The following KANK1 variants were observed in gnomAD, a reference collection of about 807,000 sequenced individuals.
The protein encoded by KANK1 is KN motif and ankyrin repeat domain-containing protein 1.
Under a neutral mutation model 106.2 loss-of-function variants are expected in KANK1, and 109 were observed. The ratio of observed to expected loss-of-function variants is 1.03; its 90% CI spans 0.88 to 1.20. The LOEUF is 1.20. KANK1 is among the 50% of genes most tolerant of loss of function. The pLI is 0.00. For synonymous variants in KANK1, 873 were observed against 652.2 expected (o/e 1.34, Z -5.16); for missense variants, 2,399 against 1,710.7 (o/e 1.40, Z -7.10).
intron 1 of KANK1, among the ~76,000 whole-genome samples, chr9:590,593 T>C (rs1190340417): frequency 2.0e-5 from 3 of 151,950 alleles, no homozygotes; most frequent in Non-Finnish European, 4.4e-5. Context: ...GTTAAAAATA[T>C]GTAACTTTAC....
At chr9:595,573 T>C (rs1826011346) in intron 1 of KANK1, among the ~76,000 whole-genome samples, 1 of 151,930 alleles carries the variant, frequency 6.6e-6, no homozygotes, top group Non-Finnish European at 1.5e-5. Flanking sequence ...TTGCCCAGGC[T>C]AGAGAGCAGT....
At chr9:529,504 C>T (rs1381496420) in intron 1 of KANK1, among the ~76,000 whole-genome samples, 1 of 2,310 alleles carries the variant, frequency 4.3e-4, no homozygotes, top group African/African-American at 4.3e-3. Context: ...CGGCCTCATA[C>T]ATATTTTTAA....
intron 1 of KANK1, among the ~76,000 whole-genome samples, chr9:610,106 T>A (rs942921766): frequency 7.2e-5 from 11 of 152,226 alleles, no homozygotes; most frequent in African/African-American, 2.7e-4. Context: ...AATTCTTTGC[T>A]ACTTTAAGTA....
chr9:725,577 C>T (rs61426364), intron 3 of KANK1, among the ~76,000 whole-genome samples: 11,321 of 151,614 alleles, frequency 0.075, 989 homozygotes, highest in African/African-American at 0.2. Flanking sequence ...TTTACTATAG[C>T]GTCATTGTTT....
intron 1 of KANK1, among the ~76,000 whole-genome samples, chr9:665,516 G>T (rs4742207): frequency 0.22 from 34,081 of 152,064 alleles, 4,800 homozygotes; most frequent in African/African-American, 0.38. Flanking sequence ...ATTCTGTTCA[G>T]TCGGTGTTTG....
chr9:706,722 G>A (rs1234466575), intron 2 of KANK1: 2 of 938,760 alleles, frequency 2.1e-6, no homozygotes, highest in African/African-American at 3.6e-5. Context: ...CGTGTCATAA[G>A]CCCAGGGCTG....
chr9:663,312 C>T (rs1049994814), intron 1 of KANK1, among the ~76,000 whole-genome samples: 6 of 152,188 alleles, frequency 3.9e-5, no homozygotes, highest in African/African-American at 1.4e-4. Context: ...AAACTACCAG[C>T]AGTAGGAATG....
At chr9:557,961 C>T (rs748145436) in intron 1 of KANK1, among the ~76,000 whole-genome samples, 4 of 151,834 alleles carry the variant, frequency 2.6e-5, no homozygotes, top group Admixed American at 6.6e-5. Context: ...GCTATGATCG[C>T]GCCACTGCAT....
rs764885015 is a variant in KANK1, at chr9:738,328, C to G, written c.3377C>G (p.Ser1126Cys). Residue 1126 changes from serine to cysteine, a missense_variant, in exon 8 of 12, where the codon TCC becomes TGC. By Grantham distance (112) the Ser-to-Cys change is moderately radical. Coordinates refer to ENST00000382297, the MANE Select transcript of KANK1 (RefSeq NM_015158.5). ...NTLQHEWFRVSSQKSAIPAMV... is the reference protein window; with the variant it reads ...NTLQHEWFRVCSQKSAIPAMV... The stretch of plus-strand genomic sequence containing the variant: ...CTCCAGCACGAGTGGTTCCGCGTGT[C>G]CAGTCAGAAGTCAGCCATTCCAGCC... The G allele has an allele frequency of 6.2e-7, 1 of 1,614,060 alleles. No homozygotes were observed. Among genetic ancestry groups the G allele is most frequent in the Non-Finnish European group, 8.5e-7 (1 of 1,179,984 alleles).
chr9:660,999 G>C (rs370486922), intron 1 of KANK1, among the ~76,000 whole-genome samples: 23 of 152,276 alleles, frequency 1.5e-4, no homozygotes, highest in Non-Finnish European at 3.4e-4. Flanking sequence ...TGATGTACCA[G>C]TCATGTAGCT....
chr9:613,523 ATTC>A (rs1412885042), intron 1 of KANK1, among the ~76,000 whole-genome samples: 1 of 151,994 alleles, frequency 6.6e-6, no homozygotes, highest in African/African-American at 2.4e-5. Flanking sequence ...GCCCAAGACA[ATTC>A]TTCTAGTGTG....
chr9:666,824 G>C (rs113950175), intron 1 of KANK1, among the ~76,000 whole-genome samples: 1 of 150,066 alleles, frequency 6.7e-6, no homozygotes, highest in Non-Finnish European at 1.5e-5. Context: ...TTAATATCTT[G>C]CTGAATTCAG....
intron 1 of KANK1, among the ~76,000 whole-genome samples, chr9:647,309 A>G (rs1316597929): frequency 6.6e-6 from 1 of 150,972 alleles, no homozygotes; most frequent in Admixed American, 6.6e-5. Context: ...TGGGTAAGAT[A>G]TGTCATTATT....
At chr9:484,726 G>C (rs754550260) in intron 3 of KANK1, among the ~76,000 whole-genome samples, 26 of 152,166 alleles carry the variant, frequency 1.7e-4, no homozygotes, top group Non-Finnish European at 3.4e-4. Flanking sequence ...TTGCTGAATG[G>C]GGTATGGAGA....
intron 1 of KANK1, among the ~76,000 whole-genome samples, chr9:658,569 G>C (rs1204259644): frequency 1.3e-5 from 2 of 151,700 alleles, no homozygotes; most frequent in East Asian, 3.9e-4. Context: ...CTAAGCCCTA[G>C]GTCTTAAAGA....
intron 1 of KANK1, among the ~76,000 whole-genome samples, chr9:600,898 A>C (rs1036026556): frequency 1.3e-5 from 2 of 151,844 alleles, no homozygotes; most frequent in African/African-American, 4.9e-5. Flanking sequence ...AAGTTTAGTT[A>C]TCCAAAAGGC....
intron 1 of KANK1, among the ~76,000 whole-genome samples, chr9:630,277 C>A (rs571854029): frequency 3.3e-5 from 5 of 151,586 alleles, no homozygotes; most frequent in African/African-American, 4.9e-5. Context: ...AGTTGGGGGG[C>A]AGGCACGGTG....
At chr9:741,039 A>G in intron 9 of KANK1, 105 bp downstream of exon 9, 3 of 1,334,262 alleles carry the variant, frequency 2.2e-6, no homozygotes, top group South Asian at 2.8e-5. Context: ...CTTCCACCAC[A>G]GTGCACTTGT....
chr9:664,391 T>C (rs1283779154), intron 1 of KANK1, among the ~76,000 whole-genome samples: 1 of 152,190 alleles, frequency 6.6e-6, no homozygotes, highest in Non-Finnish European at 1.5e-5. Context: ...TTGCTCCAAA[T>C]GACAGGATTT....
Sources: gnomAD v4.1 joint callset for allele counts (sites outside exome capture counted in the v4.1 genomes callset) on GRCh38, gnomAD v4.1.1 for gene constraint, MANE v1.5 for transcripts, NCBI Gene and HGNC (gene_info 2026-07-23, HGNC 2026-07-21) for gene names.